Variants in AKAP12 observed in about 807,000 individuals in gnomAD.
AKAP12 encodes A-kinase anchor protein 12.
AKAP12 carries 32 observed loss-of-function variants against 79.9 expected under a neutral mutation model. That is an observed-to-expected ratio of 0.40 (90% CI 0.30 to 0.54). AKAP12 has a LOEUF of 0.54. AKAP12 is among the 20% of genes least tolerant of loss of function. The pLI, the probability that AKAP12 is intolerant of heterozygous loss-of-function variation, is 0.48. For synonymous variants in AKAP12, 808 were observed against 857.0 expected, an observed-to-expected ratio of 0.94 and a Z score of 1.00; for missense variants, 2,074 against 2,177.0, an observed-to-expected ratio of 0.95 and a Z score of 0.94.
At chr6:151,332,682 G>T (rs535417643) in intron 3 of AKAP12, among the ~76,000 whole-genome samples, 4 of 152,168 alleles carry the variant, frequency 2.6e-5, no homozygotes, top group African/African-American at 4.8e-5. Flanking sequence ...TTTTTCCTGC[G>T]CTTTGAAGTG....
Position 151,356,556 on chromosome 6 carries a change from A to G in AKAP12, c.*842A>G, listed in dbSNP as rs1393966440. The G allele has an allele frequency of 6.6e-6, 1 of 152,222 alleles. No individual in the cohort carries two copies. The allele number at this position is 152,222 out of a possible 1,614,324, so 9.4% of individuals were successfully genotyped here. A position where few individuals can be genotyped will look rare whatever the true frequency, so the allele number is the denominator to read the frequency against. On this transcript the variant is annotated 3_prime_UTR_variant, in exon 5 of 5. Transcript: ENST00000402676. ...TGAATATGTTTTATATGTTATGAAG[A>G]AAAGAATTGTTGTAAGTTTTTGATT...
chr6:151,278,620 T>C (rs58865757), intron 2 of AKAP12, among the ~76,000 whole-genome samples: 6,295 of 152,288 alleles, frequency 0.041, 407 homozygotes, highest in African/African-American at 0.14. Flanking sequence ...TGGAGATCAC[T>C]TTCTCTCTGA....
At position 151,324,133 on chromosome 6, in the gene AKAP12, A is replaced by T. The variant is rs900288426; in HGVS notation, c.319+18230A>T. 12 of 985,264 alleles carry T rather than the reference A, an allele frequency of 1.2e-5. No homozygotes were observed. The African/African-American group carries it at 2.1e-4, about 17-fold the overall frequency. The allele number at this position is 985,264 out of a possible 1,614,324, so 61.0% of individuals were successfully genotyped here. On this transcript the variant is annotated intron_variant, in intron 3 of 4. Transcript: ENST00000402676. Reference sequence around the variant, plus strand: ...TTCACACACACCAGCCTCATTATTAAAATTGGAGCAATTTGTGAAATAGAG... The same window carrying T: ...TTCACACACACCAGCCTCATTATTATAATTGGAGCAATTTGTGAAATAGAG...
In AKAP12 at chr6:151,349,106, C is replaced by T. The variant is rs145594196; in HGVS notation, c.715C>T (p.Pro239Ser). ...CGAACCCAAACAATCTACAGAGAAA[C>T]CCGAAGAGACCCTGAAGCGTGAGCA... is the stretch of plus-strand genomic sequence containing the variant. Reference protein sequence around the residue: ...ESEPKQSTEKPEETLKREQSH... With the variant: ...ESEPKQSTEKSEETLKREQSH... Residue 239 changes from proline to serine, a missense_variant, in exon 4 of 5, where the codon CCC becomes TCC. Physicochemically the swap from Pro to Ser is moderately conservative, Grantham distance 74. Coordinates refer to ENST00000402676, the MANE Select transcript of AKAP12 (RefSeq NM_005100.4). 4.2e-5 allele frequency: 67 copies of T among 1,612,740 alleles called. No individual in the cohort carries two copies. In the African/African-American group the frequency reaches 8.6e-4, roughly 21 times the overall value.
rs974947841 is a variant in AKAP12, at chr6:151,267,991, G to A, written c.162+27267G>A. On this transcript the variant is annotated intron_variant, in intron 2 of 4. Coordinates refer to ENST00000402676, the MANE Select transcript of AKAP12 (RefSeq NM_005100.4). ...CCTCTTCAGTTGCCCTGACTCCTAT[G>A]CATGCTCCTTGAGTGTCACCTTCCT... 2.0e-5 allele frequency among the ~76,000 whole-genome samples: 3 copies of A among 152,174 alleles called. No individual in the cohort carries two copies. The East Asian group carries it at 5.8e-4, about 29-fold the overall frequency.
intron 3 of AKAP12, among the ~76,000 whole-genome samples, chr6:151,309,097 A>C (rs1777036632): frequency 6.6e-6 from 1 of 151,722 alleles, no homozygotes; most frequent in Non-Finnish European, 1.5e-5. Flanking sequence ...CTGGTCTCGA[A>C]CTCCTGACCT....
At chr6:151,255,172 G>GT (rs66882507) in intron 2 of AKAP12, among the ~76,000 whole-genome samples, 73,841 of 149,054 alleles carry the variant, frequency 0.5, 18,958 homozygotes, top group African/African-American at 0.66. Context: ...AAATGTTTTT[G>GT]TTTTTTTTTT....
At chr6:151,262,136 A>G (rs1448265803) in intron 2 of AKAP12, among the ~76,000 whole-genome samples, 1 of 152,038 alleles carries the variant, frequency 6.6e-6, no homozygotes, top group Non-Finnish European at 1.5e-5. Context: ...TTTTTAGTAG[A>G]GATGGGGTTT....
chr6:151,347,928 T>G, intron 3 of AKAP12, among the ~76,000 whole-genome samples: 1 of 151,748 alleles, frequency 6.6e-6, no homozygotes, highest in East Asian at 1.9e-4. Flanking sequence ...TCCCAGCACT[T>G]TGGGAGGCAG....
At chr6:151,300,247 G>C (rs1450369000) in intron 2 of AKAP12, among the ~76,000 whole-genome samples, 4 of 152,146 alleles carry the variant, frequency 2.6e-5, no homozygotes, top group Non-Finnish European at 5.9e-5. Context: ...TTGTGGGTGT[G>C]TCCTGGTTAT....
intron 2 of AKAP12, among the ~76,000 whole-genome samples, chr6:151,259,521 C>T (rs1393143480): frequency 2.8e-5 from 4 of 145,106 alleles, no homozygotes; most frequent in Admixed American, 7.0e-5. Flanking sequence ...TACACACACA[C>T]ACACACACAC....
At position 151,353,665 on chromosome 6, in the gene AKAP12, G is replaced by T. The variant is rs767332729; in HGVS notation, c.5274G>T (p.Ala1758=). Residue 1758 remains alanine (A), a synonymous_variant, in exon 4 of 5, where the codon GCG becomes GCT. Transcript: ENST00000402676. ...EGKVHSESDK[A]ITPQAQEELQ... ...AAGTGCACAGTGAATCAGATAAAGC[G>T]ATCACACCCCAAGCACAGGAGGAGT... is the stretch of plus-strand genomic sequence containing the variant. 6.2e-7 allele frequency: 1 copy of T among 1,613,882 alleles called. No individual in the cohort carries two copies. Among genetic ancestry groups the T allele is most frequent in the South Asian group, 1.1e-5 (1 of 91,036 alleles).
intron 2 of AKAP12, among the ~76,000 whole-genome samples, chr6:151,297,018 G>GGTTTTT (rs1554326046): frequency 1.9e-5 from 2 of 108,082 alleles, no homozygotes; most frequent in East Asian, 6.0e-4. Flanking sequence ...GAAATAAAAG[G>GGTTTTT]GTTTTTTTTT....
At position 151,357,764 on chromosome 6, in the gene AKAP12, C is replaced by G. The variant is rs1223425767; in HGVS notation, c.*2050C>G. ...GAGATTGAAATCCAAGTGCTGGTTTCTAGTTCTGAACATCAACTAAAGAGT... is the reference window on the plus strand; with the variant it reads ...GAGATTGAAATCCAAGTGCTGGTTTGTAGTTCTGAACATCAACTAAAGAGT... On this transcript the variant is annotated 3_prime_UTR_variant, in exon 5 of 5. Transcript: ENST00000402676. The G allele has an allele frequency of 9.8e-6, 1 of 101,714 alleles. No homozygotes were observed. Among genetic ancestry groups the G allele is most frequent in the Non-Finnish European group, 1.9e-5 (1 of 52,942 alleles). The allele number at this position is 101,714 out of a possible 1,614,324, so 6.3% of individuals were successfully genotyped here.
chr6:151,288,263 C>T (rs1776546366), intron 2 of AKAP12, among the ~76,000 whole-genome samples: 1 of 151,438 alleles, frequency 6.6e-6, no homozygotes, highest in African/African-American at 2.4e-5. Flanking sequence ...GCTGGTAATC[C>T]CAACACTTTG....
At chr6:151,291,610 C>T (rs1474716) in intron 2 of AKAP12, among the ~76,000 whole-genome samples, 112,961 of 152,062 alleles carry the variant, frequency 0.74, 45,193 homozygotes, top group East Asian at 0.99. Flanking sequence ...GCTTGTATTC[C>T]GTGGCGCAGG....
At chr6:151,290,974 G>GT (rs1776606439) in intron 2 of AKAP12, among the ~76,000 whole-genome samples, 1 of 152,136 alleles carries the variant, frequency 6.6e-6, no homozygotes, top group South Asian at 2.1e-4. Flanking sequence ...TCAGAAGTTA[G>GT]TCCTTCTAGG....
intron 2 of AKAP12, among the ~76,000 whole-genome samples, chr6:151,299,419 G>A (rs1254259654): frequency 1.3e-5 from 2 of 151,978 alleles, no homozygotes; most frequent in Admixed American, 6.6e-5. Context: ...CCCTCTAAGA[G>A]GATAAAACCA....
chr6:151,358,382 G>A lies in AKAP12; in HGVS notation c.*2668G>A, dbSNP rs1294925958. 6.6e-6 allele frequency: 1 copy of A among 152,124 alleles called. No homozygotes were observed. The highest frequency in any genetic ancestry group is 1.5e-5 in the Non-Finnish European group (1 of 68,026). 9.4% of individuals were successfully genotyped at this position (152,124 alleles called of 1,614,324 possible). On this transcript the variant is annotated 3_prime_UTR_variant, in exon 5 of 5. Transcript: ENST00000402676. ...ATAAATTGTTCCAATATTTTCCTTT[G>A]ATGTTTGGAACTACAGATAGTCAAG...
Sources: gnomAD v4.1 joint callset for allele counts (sites outside exome capture counted in the v4.1 genomes callset) on GRCh38, gnomAD v4.1.1 for gene constraint, MANE v1.5 for transcripts, NCBI Gene and HGNC (gene_info 2026-07-23, HGNC 2026-07-21) for gene names.